Variants in KIF6 observed in about 807,000 individuals in gnomAD.
KIF6 encodes kinesin family member 6.
A neutral mutation model predicts 112.7 loss-of-function variants in KIF6; 106 were observed. That is an observed-to-expected ratio of 0.94 (90% CI 0.80 to 1.11). The LOEUF is 1.11. KIF6 is among the 50% of genes least tolerant of loss of function. The probability of loss-of-function intolerance (pLI) is 0.00; values close to 1 mark genes in which losing one functional copy is unlikely to be tolerated. For synonymous variants in KIF6, 339 were observed against 339.9 expected, an observed-to-expected ratio of 1.00 and a Z score of 0.03; for missense variants, 929 against 964.0, an observed-to-expected ratio of 0.96 and a Z score of 0.48.
intron 13 of KIF6, among the ~76,000 whole-genome samples, chr6:39,498,061 G>T (rs1775891117): frequency 6.6e-6 from 1 of 152,142 alleles, no homozygotes; most frequent in African/African-American, 2.4e-5. Context: ...TTTGCCTGTA[G>T]TGGGGCCCAT....
intron 15 of KIF6, among the ~76,000 whole-genome samples, chr6:39,402,958 A>G (rs1299838411): frequency 2.0e-5 from 3 of 152,176 alleles, no homozygotes; most frequent in African/African-American, 7.2e-5. Flanking sequence ...AAAAGCTCCT[A>G]CTGCGTTCAG....
At chr6:39,401,678 G>A (rs757498930) in intron 15 of KIF6, among the ~76,000 whole-genome samples, 1 of 151,972 alleles carries the variant, frequency 6.6e-6, no homozygotes, top group Non-Finnish European at 1.5e-5. Context: ...CTCTTGAGTA[G>A]GTGAAAAATG....
chr6:39,621,441 G>A (rs1339015823), intron 5 of KIF6, among the ~76,000 whole-genome samples: 1 of 152,196 alleles, frequency 6.6e-6, no homozygotes, highest in African/African-American at 2.4e-5. Context: ...CTCCCGCCAT[G>A]TGCTAGCAGT....
intron 3 of KIF6, among the ~76,000 whole-genome samples, chr6:39,674,255 C>T (rs1787004185): frequency 6.6e-6 from 1 of 152,080 alleles, no homozygotes. Flanking sequence ...ACTTTCCCCA[C>T]AGATGAATTG....
chr6:39,559,769 C>T (rs1779913768), intron 10 of KIF6, among the ~76,000 whole-genome samples: 1 of 151,784 alleles, frequency 6.6e-6, no homozygotes, highest in Middle Eastern at 3.4e-3. Flanking sequence ...AGTCTATCCA[C>T]CTTAACTTCC....
intron 6 of KIF6, among the ~76,000 whole-genome samples, chr6:39,601,755 T>C (rs1487208317): frequency 6.6e-6 from 1 of 151,744 alleles, no homozygotes; most frequent in African/African-American, 2.4e-5. Flanking sequence ...CATTAGTTTA[T>C]TTCATGACTG....
At chr6:39,604,965 T>C (rs1782803323) in intron 6 of KIF6, among the ~76,000 whole-genome samples, 1 of 152,098 alleles carries the variant, frequency 6.6e-6, no homozygotes, top group Admixed American at 6.6e-5. Flanking sequence ...TCTCCAGGAT[T>C]TGGCAAATTA....
At chr6:39,661,332 A>T (rs1294671585) in intron 3 of KIF6, among the ~76,000 whole-genome samples, 3 of 152,236 alleles carry the variant, frequency 2.0e-5, no homozygotes, top group Non-Finnish European at 4.4e-5. Flanking sequence ...AACTGATTAT[A>T]GAAATAGTAT....
chr6:39,418,222 C>A (rs1447478727), intron 15 of KIF6, among the ~76,000 whole-genome samples: 1 of 152,104 alleles, frequency 6.6e-6, no homozygotes, highest in Non-Finnish European at 1.5e-5. Flanking sequence ...TTTTCTCATG[C>A]AGTTTTAGGA....
intron 7 of KIF6, among the ~76,000 whole-genome samples, chr6:39,587,753 A>T (rs1272987048): frequency 6.6e-6 from 1 of 152,100 alleles, no homozygotes; most frequent in East Asian, 1.9e-4. Context: ...CTCCTGTCTA[A>T]GGCCAGCCCT....
intron 13 of KIF6, among the ~76,000 whole-genome samples, chr6:39,433,596 T>G (rs1771312515): frequency 6.6e-6 from 1 of 152,192 alleles, no homozygotes; most frequent in African/African-American, 2.4e-5. Flanking sequence ...GAGTTGGAGT[T>G]CTTTGATTGT....
At chr6:39,593,498 G>C (rs984315328) in intron 7 of KIF6, among the ~76,000 whole-genome samples, 1 of 152,092 alleles carries the variant, frequency 6.6e-6, no homozygotes, top group African/African-American at 2.4e-5. Flanking sequence ...CCATATTTAT[G>C]TTCTTTCCTC....
chr6:39,639,133 C>A (rs769474698), intron 4 of KIF6, among the ~76,000 whole-genome samples: 3 of 152,050 alleles, frequency 2.0e-5, no homozygotes, highest in Non-Finnish European at 2.9e-5. Flanking sequence ...TACATATAAT[C>A]TAGATAGATA....
At position 39,490,519 on chromosome 6, in the gene KIF6, C is replaced by T. The variant is rs1036236122; in HGVS notation, c.1645+49484G>A. 1.8e-4 allele frequency among the ~76,000 whole-genome samples: 28 copies of T among 152,066 alleles called. 1 individual carries two copies. Among genetic ancestry groups the T allele is most frequent in the South Asian group, 8.3e-4 (4 of 4,808 alleles). ...CAGCAAATGACTTGGCTACACTAAC[C>T]GTTGGGTTTGTCGCCTATAAAATAA... On this transcript the variant is annotated intron_variant, in intron 13 of 22. Transcript: ENST00000287152.
intron 13 of KIF6, among the ~76,000 whole-genome samples, chr6:39,453,662 A>G (rs1159424030): frequency 1.1e-4 from 17 of 152,216 alleles, no homozygotes; most frequent in Admixed American, 9.8e-4. Flanking sequence ...TTGAATATTT[A>G]TCATCTCTGC....
chr6:39,452,953 C>G (rs1262965622), intron 13 of KIF6, among the ~76,000 whole-genome samples: 1 of 152,208 alleles, frequency 6.6e-6, no homozygotes, highest in African/African-American at 2.4e-5. Context: ...GAATTGAGGT[C>G]AAGGAAGAAA....
intron 13 of KIF6, among the ~76,000 whole-genome samples, chr6:39,519,788 A>G (rs1777281612): frequency 6.6e-6 from 1 of 151,924 alleles, no homozygotes; most frequent in Non-Finnish European, 1.5e-5. Context: ...TCAGGAGGCC[A>G]AGGCGGGTGG....
intron 13 of KIF6, among the ~76,000 whole-genome samples, chr6:39,441,243 T>A (rs1581863699): frequency 6.6e-6 from 1 of 152,316 alleles, no homozygotes; most frequent in Admixed American, 6.5e-5. Context: ...GCACAGTTTT[T>A]CAGCAGCCTC....
intron 13 of KIF6, among the ~76,000 whole-genome samples, chr6:39,443,010 A>G (rs1772023640): frequency 6.6e-6 from 1 of 151,616 alleles, no homozygotes; most frequent in African/African-American, 2.4e-5. Context: ...GCTACTGGGG[A>G]GGCTGAGGCA....
Sources: gnomAD v4.1 joint callset for allele counts (sites outside exome capture counted in the v4.1 genomes callset) on GRCh38, gnomAD v4.1.1 for gene constraint, MANE v1.5 for transcripts, NCBI Gene and HGNC (gene_info 2026-07-23, HGNC 2026-07-21) for gene names.